The following IKZF2 variants were observed in gnomAD, a reference collection of about 807,000 sequenced individuals.
The protein encoded by IKZF2 is zinc finger protein Helios.
Under a neutral mutation model 49.2 loss-of-function variants are expected in IKZF2, and 15 were observed. The observed-to-expected ratio is 0.30, with a 90% confidence interval of 0.20 to 0.47. The LOEUF (loss-of-function observed/expected upper bound fraction) is 0.47. Among genes scored for constraint, IKZF2 ranks in the 20% least tolerant of loss-of-function variants. The probability of loss-of-function intolerance (pLI) is 1.00; values close to 1 mark genes in which losing one functional copy is unlikely to be tolerated. For synonymous variants in IKZF2, 227 were observed against 221.4 expected, an observed-to-expected ratio of 1.03 and a Z score of -0.23; for missense variants, 567 against 664.6, an observed-to-expected ratio of 0.85 and a Z score of 1.61.
intron 4 of IKZF2, among the ~76,000 whole-genome samples, chr2:213,063,506 G>T (rs1285464915): frequency 6.6e-6 from 1 of 151,690 alleles, no homozygotes; most frequent in Admixed American, 6.6e-5. Context: ...GAAAACAGCA[G>T]GCTAGATAAA....
At chr2:213,138,269 A>C (rs1426465505) in intron 4 of IKZF2, among the ~76,000 whole-genome samples, 1 of 152,074 alleles carries the variant, frequency 6.6e-6, no homozygotes, top group Non-Finnish European at 1.5e-5. Flanking sequence ...ATCTACATTA[A>C]CATTCATGTG....
chr2:213,073,917 G>A (rs981468965), intron 4 of IKZF2, among the ~76,000 whole-genome samples: 2 of 152,172 alleles, frequency 1.3e-5, no homozygotes, highest in African/African-American at 4.8e-5. Flanking sequence ...CCAGAAACTT[G>A]TACCTATTTG....
intron 4 of IKZF2, among the ~76,000 whole-genome samples, chr2:213,064,234 T>C (rs1246601382): frequency 6.6e-6 from 1 of 152,028 alleles, no homozygotes; most frequent in Admixed American, 6.6e-5. Context: ...TTTTAATCTC[T>C]AAACCAATAG....
At chr2:213,092,268 G>A (rs980241948) in intron 4 of IKZF2, among the ~76,000 whole-genome samples, 15 of 152,128 alleles carry the variant, frequency 9.9e-5, no homozygotes, top group African/African-American at 3.6e-4. Flanking sequence ...GACTAAAGCA[G>A]TTCTCCTGCC....
At chr2:213,045,461 T>C (rs1263036861) in intron 6 of IKZF2, among the ~76,000 whole-genome samples, 1 of 152,160 alleles carries the variant, frequency 6.6e-6, no homozygotes, top group African/African-American at 2.4e-5. Context: ...TCTCTTACCT[T>C]AAGGCTAGGT....
intron 8 of IKZF2, among the ~76,000 whole-genome samples, chr2:213,010,360 T>TCATAGATC (rs1191735165): frequency 6.6e-6 from 1 of 152,060 alleles, no homozygotes; most frequent in Non-Finnish European, 1.5e-5. Context: ...GTCTGCCTAC[T>TCATAGATC]CATAGATCAG....
intron 4 of IKZF2, among the ~76,000 whole-genome samples, chr2:213,127,069 A>G (rs771189659): frequency 6.6e-6 from 1 of 152,192 alleles, no homozygotes; most frequent in East Asian, 1.9e-4. Flanking sequence ...AGCTACTTAC[A>G]TCAAATGCTA....
At chr2:213,029,531 T>C (rs1435112670) in intron 6 of IKZF2, among the ~76,000 whole-genome samples, 1 of 152,062 alleles carries the variant, frequency 6.6e-6, no homozygotes, top group African/African-American at 2.4e-5. Flanking sequence ...TATGTGTTCT[T>C]TTAATATTGA....
At chr2:213,088,104 T>C (rs903935936) in intron 4 of IKZF2, among the ~76,000 whole-genome samples, 2 of 152,234 alleles carry the variant, frequency 1.3e-5, no homozygotes, top group Non-Finnish European at 2.9e-5. Context: ...ATGGTTGAAC[T>C]AGTTTACAGT....
intron 4 of IKZF2, among the ~76,000 whole-genome samples, chr2:213,084,842 C>T (rs1704387031): frequency 1.3e-5 from 2 of 152,180 alleles, no homozygotes; most frequent in Non-Finnish European, 2.9e-5. Flanking sequence ...TATCCCTTTG[C>T]ATTGGATGTC....
At chr2:213,043,498 T>G (rs1376009588) in intron 6 of IKZF2, among the ~76,000 whole-genome samples, 1 of 152,196 alleles carries the variant, frequency 6.6e-6, no homozygotes, top group Admixed American at 6.5e-5. Flanking sequence ...ATAATATTCA[T>G]AAAAACAGAG....
chr2:213,041,366 C>G (rs1236172398), intron 6 of IKZF2, among the ~76,000 whole-genome samples: 3 of 151,786 alleles, frequency 2.0e-5, no homozygotes, highest in Non-Finnish European at 4.4e-5. Flanking sequence ...TGGAGTTTCG[C>G]TCTGTCACCC....
chr2:213,137,202 G>T (rs1253845119), intron 4 of IKZF2, among the ~76,000 whole-genome samples: 1 of 152,074 alleles, frequency 6.6e-6, no homozygotes, highest in African/African-American at 2.4e-5. Context: ...AGATGGCAGT[G>T]TGTAAATTCA....
chr2:213,122,969 A>T (rs1245693789), intron 4 of IKZF2, among the ~76,000 whole-genome samples: 1 of 152,198 alleles, frequency 6.6e-6, no homozygotes, highest in Non-Finnish European at 1.5e-5. Flanking sequence ...CACATATTGA[A>T]ATATATGCTT....
At chr2:213,062,042 C>T (rs944243090) in intron 4 of IKZF2, among the ~76,000 whole-genome samples, 1 of 151,374 alleles carries the variant, frequency 6.6e-6, no homozygotes, top group Non-Finnish European at 1.5e-5. Flanking sequence ...TATGAATTCT[C>T]AATTTTTAAA....
chr2:213,057,883 C>T (rs1296358848), intron 4 of IKZF2, among the ~76,000 whole-genome samples: 1 of 152,112 alleles, frequency 6.6e-6, no homozygotes, highest in East Asian at 1.9e-4. Context: ...AATTTAATGC[C>T]TTCTGTTTGC....
chr2:213,126,497 C>T (rs1207493230), intron 4 of IKZF2, among the ~76,000 whole-genome samples: 2 of 152,108 alleles, frequency 1.3e-5, no homozygotes, highest in East Asian at 3.9e-4. Flanking sequence ...GAATTTCCTA[C>T]TTTCCTGACC....
intron 2 of IKZF2, among the ~76,000 whole-genome samples, chr2:213,149,776 T>TCCC (rs2061212392): frequency 5.0e-5 from 6 of 120,234 alleles, no homozygotes; most frequent in African/African-American, 1.8e-4. Context: ...CACACTCCCT[T>TCCC]ACCCCCCCCC....
intron 6 of IKZF2, among the ~76,000 whole-genome samples, chr2:213,038,989 C>G (rs973354954): frequency 6.6e-6 from 1 of 151,718 alleles, no homozygotes; most frequent in Non-Finnish European, 1.5e-5. Flanking sequence ...CCATCTTGAT[C>G]CAAGCCACAT....
Sources: gnomAD v4.1 joint callset for allele counts (sites outside exome capture counted in the v4.1 genomes callset) on GRCh38, gnomAD v4.1.1 for gene constraint, MANE v1.5 for transcripts, NCBI Gene and HGNC (gene_info 2026-07-23, HGNC 2026-07-21) for gene names.